The following SFXN5 variants were observed in gnomAD, a reference collection of about 807,000 sequenced individuals.
SFXN5 encodes the protein sideroflexin-5.
In SFXN5, 43 loss-of-function variants were observed where a neutral mutation model predicts 50.2. The observed-to-expected ratio is 0.86, with a 90% CI of 0.67 to 1.11. The LOEUF (loss-of-function observed/expected upper bound fraction) is 1.11, where lower values mean the gene tolerates loss of function less well. SFXN5 is among the 50% of genes least tolerant of loss of function. SFXN5 has a pLI of 0.00. For synonymous variants in SFXN5, 203 were observed against 185.8 expected (o/e 1.09, Z -0.75); for missense variants, 463 against 454.1 (o/e 1.02, Z -0.18).
At chr2:72,981,899 G>C (rs1201431429) in intron 10 of SFXN5, among the ~76,000 whole-genome samples, 1 of 152,144 alleles carries the variant, frequency 6.6e-6, no homozygotes, top group African/African-American at 2.4e-5. Context: ...GATGGAAGGT[G>C]ATTTAGAGAG....
At chr2:73,046,365 C>T (rs1241650211) in intron 2 of SFXN5, among the ~76,000 whole-genome samples, 5 of 149,876 alleles carry the variant, frequency 3.3e-5, no homozygotes, top group South Asian at 4.2e-4. Flanking sequence ...ACCGAGATCA[C>T]GCCACTGCAC....
intron 3 of SFXN5, among the ~76,000 whole-genome samples, chr2:73,039,653 T>C (rs1181451825): frequency 6.6e-6 from 1 of 152,148 alleles, no homozygotes; most frequent in Non-Finnish European, 1.5e-5. Flanking sequence ...TAGATAAGCA[T>C]ATTTGTCTGA....
rs185935931 is a variant in SFXN5 at position 73,065,361 on chromosome 2, G to A, written c.102+6243C>T. ...AGCAATCCTCCTGCCTTGGCCTCTC[G>A]AAGTGCTGGGATTACAGGCATGAGC... On this transcript the variant is annotated intron_variant, in intron 1 of 13. Transcript: ENST00000272433. Among the ~76,000 whole-genome samples the A allele has an allele frequency of 8.6e-4, 131 of 151,448 alleles. 2 individuals carry two copies. The highest frequency in any genetic ancestry group is 2.9e-3 in the African/African-American group (120 of 41,254).
Position 72,992,205 on chromosome 2 carries a change from C to A in SFXN5, c.535-3857G>T, listed in dbSNP as rs1672684394. Among the ~76,000 whole-genome samples, 1 of 152,140 alleles carries A rather than the reference C, an allele frequency of 6.6e-6. No homozygotes were observed. The highest frequency in any genetic ancestry group is 2.4e-5 in the African/African-American group (1 of 41,434). ...AGACCAGGGGAAAAGGAGGGAAGGC[C>A]GGCTTCCTGATAGTCCCCACGGAGA... On this transcript the variant is annotated intron_variant, in intron 9 of 13. Coordinates refer to ENST00000272433, the MANE Select transcript of SFXN5 (RefSeq NM_144579.3). This position sits in a 1 kb window ranked among gnomAD's most constrained non-coding sequence, Gnocchi z 4.5.
chr2:72,976,153 TCA>T (rs756658056), intron 10 of SFXN5, among the ~76,000 whole-genome samples: 5 of 152,354 alleles, frequency 3.3e-5, no homozygotes, highest in African/African-American at 9.6e-5. Flanking sequence ...GGTTCACAGC[TCA>T]CAGAGTGGTC....
chr2:73,016,806 G>A (rs1448843397), intron 6 of SFXN5, among the ~76,000 whole-genome samples: 3 of 152,174 alleles, frequency 2.0e-5, no homozygotes, highest in Admixed American at 6.5e-5. Flanking sequence ...CTTATGATGT[G>A]GTTACGCCTG....
chr2:73,066,046 G>A (rs1253080774), intron 1 of SFXN5, among the ~76,000 whole-genome samples: 1 of 152,160 alleles, frequency 6.6e-6, no homozygotes, highest in African/African-American at 2.4e-5. Flanking sequence ...GGTTCCCTGG[G>A]TGCTGTGCTG....
chr2:73,033,940 G>A (rs1244674655), intron 3 of SFXN5, among the ~76,000 whole-genome samples: 1 of 152,130 alleles, frequency 6.6e-6, no homozygotes, highest in African/African-American at 2.4e-5. Context: ...TCAGTACACT[G>A]GACAGCCCTC....
chr2:73,023,335 C>T lies in SFXN5; in HGVS notation c.250-121G>A, dbSNP rs1055873536. 6.1e-6 allele frequency: 6 copies of T among 991,436 alleles called. No individual in the cohort carries two copies. In the South Asian group the frequency reaches 8.2e-5, roughly 13 times the overall value. 61.4% of individuals were successfully genotyped at this position (991,436 alleles called of 1,614,324 possible). A position where few individuals can be genotyped will look rare whatever the true frequency, so the allele number is the denominator to read the frequency against. On this transcript the variant is annotated intron_variant, in intron 3 of 13. Coordinates refer to ENST00000272433, the MANE Select transcript of SFXN5 (RefSeq NM_144579.3). ...CAGCTCCGAAAGCCCGAAAGAAGCT[C>T]GGGCTATCCTTGCCAGCCCAGGCTG...
At chr2:73,068,706 G>A (rs570819580) in intron 1 of SFXN5, among the ~76,000 whole-genome samples, 33 of 152,098 alleles carry the variant, frequency 2.2e-4, no homozygotes, top group African/African-American at 8.0e-4. Flanking sequence ...AGGGAGTAAA[G>A]ACAGGCACAG....
chr2:73,014,264 T>A (rs2105787488), intron 6 of SFXN5, among the ~76,000 whole-genome samples: 1 of 152,332 alleles, frequency 6.6e-6, no homozygotes, highest in Admixed American at 6.5e-5. Context: ...GATCTGACTT[T>A]CTTTCTTTTC....
At chr2:73,031,428 G>A (rs562512956) in intron 3 of SFXN5, among the ~76,000 whole-genome samples, 2 of 152,296 alleles carry the variant, frequency 1.3e-5, no homozygotes, top group East Asian at 3.9e-4. Flanking sequence ...GGCAGAGCTA[G>A]CTGCCCACCT....
At chr2:72,989,523 T>G (rs929076770) in intron 9 of SFXN5, among the ~76,000 whole-genome samples, 4 of 151,912 alleles carry the variant, frequency 2.6e-5, no homozygotes, top group Non-Finnish European at 2.9e-5. Flanking sequence ...CCGGATGGGG[T>G]GACTGCACCT....
At chr2:72,990,512 GAAGA>G (rs1237715249) in intron 9 of SFXN5, among the ~76,000 whole-genome samples, 1 of 152,194 alleles carries the variant, frequency 6.6e-6, no homozygotes, top group Non-Finnish European at 1.5e-5. Context: ...CAGTAGCAAT[GAAGA>G]GGAGGGGGGC....
chr2:72,946,376 C>T (rs1671929011), intron 13 of SFXN5, among the ~76,000 whole-genome samples: 1 of 152,186 alleles, frequency 6.6e-6, no homozygotes, highest in Non-Finnish European at 1.5e-5. Context: ...TCTGTTCTCA[C>T]CACACTCCAG....
intron 6 of SFXN5, chr2:73,020,024 T>C (rs1167121420): frequency 3.7e-6 from 2 of 535,726 alleles, no homozygotes; most frequent in South Asian, 2.4e-5. Flanking sequence ...AACTCAACGC[T>C]GGATTTAAGT....
At chr2:72,991,022 G>A (rs1427483359) in intron 9 of SFXN5, among the ~76,000 whole-genome samples, 1 of 152,222 alleles carries the variant, frequency 6.6e-6, no homozygotes, top group East Asian at 1.9e-4. Flanking sequence ...TATAGGAAGT[G>A]CTGGAAGAGG....
intron 6 of SFXN5, among the ~76,000 whole-genome samples, chr2:73,014,282 G>A (rs116089940): frequency 0.011 from 1,706 of 152,080 alleles, 32 homozygotes; most frequent in African/African-American, 0.039. Context: ...TTCCACATAG[G>A]TAGCCAGCTG....
chr2:73,028,097 G>C (rs995592590), intron 3 of SFXN5, among the ~76,000 whole-genome samples: 2 of 152,122 alleles, frequency 1.3e-5, no homozygotes, highest in Non-Finnish European at 2.9e-5. Context: ...AGGAGCAATA[G>C]GCTATACCAT....
Sources: allele counts gnomAD v4.1 joint callset (sites outside exome capture counted in the v4.1 genomes callset), GRCh38; gene constraint gnomAD v4.1.1; non-coding constraint Gnocchi (gnomAD v3.1); transcripts MANE v1.5; gene names NCBI Gene and HGNC (gene_info 2026-07-23, HGNC 2026-07-21).